ZFP82: variants seen among roughly 807,000 people sequenced by gnomAD.
The protein encoded by ZFP82 is zinc finger protein 82 homolog.
A neutral mutation model predicts 54.0 loss-of-function variants in ZFP82; 30 were observed. That is an observed-to-expected ratio of 0.56 (90% CI 0.42 to 0.75). ZFP82 has a LOEUF of 0.75. Among genes scored for constraint, ZFP82 ranks in the 30% least tolerant of loss-of-function variants. The probability of loss-of-function intolerance (pLI) is 0.00; values close to 1 mark genes in which losing one functional copy is unlikely to be tolerated. For missense variants in ZFP82, 500 were observed against 636.8 expected, an observed-to-expected ratio of 0.79 and a Z score of 2.31; for synonymous variants, 194 against 209.5, an observed-to-expected ratio of 0.93 and a Z score of 0.64.
rs961592071 is a variant in ZFP82 at position 36,389,600 on chromosome 19, G to T, written c.*3141C>A. Among the ~76,000 whole-genome samples the T allele has an allele frequency of 3.9e-5, 6 of 152,134 alleles. No homozygotes were observed. In the East Asian group the frequency reaches 7.7e-4, roughly 20 times the overall value. ...GGACTCATACACATATACCCATAAT[G>T]CCATAGTCATGCCTAACATATGAAC... On this transcript the variant is annotated 3_prime_UTR_variant, in exon 5 of 5. Coordinates refer to ENST00000392161, the MANE Select transcript of ZFP82 (RefSeq NM_133466.4).
At chr19:36,387,860 C>T (rs796861023), downstream of ZFP82, among the ~76,000 whole-genome samples, 2 of 152,274 alleles carry the variant, frequency 1.3e-5, no homozygotes, top group African/African-American at 4.8e-5. Context: ...GTGATCCACC[C>T]GCCTCAGCCT....
intron 1 of ZFP82, among the ~76,000 whole-genome samples, chr19:36,415,153 G>C (rs981681806): frequency 2.6e-5 from 4 of 152,126 alleles, no homozygotes; most frequent in African/African-American, 4.8e-5. Context: ...GTGTTGCAGA[G>C]TCTTTGTCTC....
Position 36,392,722 on chromosome 19 carries a change from A to G in ZFP82, c.*19T>C. The G allele has an allele frequency of 6.5e-7, 1 of 1,533,732 alleles. No individual in the cohort carries two copies. Among genetic ancestry groups the G allele is most frequent in the Non-Finnish European group, 8.7e-7 (1 of 1,147,576 alleles). On this transcript the variant is annotated 3_prime_UTR_variant, in exon 5 of 5. Coordinates refer to ENST00000392161, the MANE Select transcript of ZFP82 (RefSeq NM_133466.4). ...ACATTCATAGAATGTTCTATAACAC[A>G]GAAGTTGAAAAGACTTTCTTAGATT...
chr19:36,393,723 G>A lies in ZFP82; in HGVS notation c.617C>T (p.Ala206Val), dbSNP rs1233270340. Reference protein sequence around the residue: ...KPYECKECGMAFRQTAHLTRH... With the variant: ...KPYECKECGMVFRQTAHLTRH... ...AGTAAGGTGTGCAGTCTGTCTGAAG[G>A]CCATCCCACATTCCTTACATTCATA... The change falls in exon 5 of 5, where the codon GCC (alanine) becomes GTC (valine). Residue 206 changes from alanine to valine, a missense_variant. Physicochemically the swap from Ala to Val is moderately conservative, Grantham distance 64 (BLOSUM62 0). Coordinates refer to ENST00000392161, the MANE Select transcript of ZFP82 (RefSeq NM_133466.4). 1 of 1,613,854 alleles carries A rather than the reference G, an allele frequency of 6.2e-7. No homozygotes were observed. The highest frequency in any genetic ancestry group is 8.5e-7 in the Non-Finnish European group (1 of 1,180,030).
chr19:36,386,897 T>G (rs531672942), downstream of ZFP82, among the ~76,000 whole-genome samples: 1 of 152,326 alleles, frequency 6.6e-6, no homozygotes, highest in East Asian at 1.9e-4. Flanking sequence ...ATCACGCCAT[T>G]GCACTCCAGC....
rs1324770214 is a variant in ZFP82, at chr19:36,393,284, T to C, written c.1056A>G (p.Gln352=). 4 of 1,613,296 alleles carry C rather than the reference T, an allele frequency of 2.5e-6. No homozygotes were observed. Among genetic ancestry groups the C allele is most frequent in the Non-Finnish European group, 3.4e-6 (4 of 1,179,814 alleles). Residue 352 remains glutamine (Q), a synonymous_variant, in exon 5 of 5, where the codon CAA becomes CAG. Transcript: ENST00000392161. ...ECGKAFRVRQ[Q]LTLHQRIHTG... is the part of the protein sequence containing the mutation. ...TATGAATTCTCTGATGGAGTGTTAGTTGTTGTCGCACTCTAAAGGCCTTCC... is the reference window on the plus strand; with the variant it reads ...TATGAATTCTCTGATGGAGTGTTAGCTGTTGTCGCACTCTAAAGGCCTTCC...
chr19:36,391,204 T>C lies in ZFP82; in HGVS notation c.*1537A>G, dbSNP rs555725520. 1 of 152,016 alleles carries C rather than the reference T, an allele frequency of 6.6e-6. No individual in the cohort carries two copies. The highest frequency in any genetic ancestry group is 1.5e-5 in the Non-Finnish European group (1 of 67,994). 9.4% of individuals were successfully genotyped at this position (152,016 alleles called of 1,614,324 possible). Reference sequence around the variant, plus strand: ...CTTTTCCTTTATTTGTTAATAATGCTCTAGTATGCTCCATAACTAATCAAT... The same window carrying C: ...CTTTTCCTTTATTTGTTAATAATGCCCTAGTATGCTCCATAACTAATCAAT... On this transcript the variant is annotated 3_prime_UTR_variant, in exon 5 of 5. Transcript: ENST00000392161.
chr19:36,383,956 G>A (rs1463799915), downstream of ZFP82: 1 of 151,982 alleles, frequency 6.6e-6, no homozygotes, highest in Non-Finnish European at 1.5e-5. Context: ...CTATTAACCA[G>A]GAAAATATTA....
chr19:36,410,798 C>T lies in ZFP82; in HGVS notation c.-78-931G>A, dbSNP rs142640231. 1.1e-4 allele frequency among the ~76,000 whole-genome samples: 16 copies of T among 152,178 alleles called. No individual in the cohort carries two copies. In the East Asian group the frequency reaches 2.7e-3, roughly 26 times the overall value. Reference sequence around the variant, plus strand: ...TTACAGATGTGAGCCACCGCACCCACCCGGCCTGTTTTATATATATTAACT... The same window carrying T: ...TTACAGATGTGAGCCACCGCACCCATCCGGCCTGTTTTATATATATTAACT... On this transcript the variant is annotated intron_variant, in intron 1 of 4. Coordinates refer to ENST00000392161, the MANE Select transcript of ZFP82 (RefSeq NM_133466.4).
intron 1 of ZFP82, among the ~76,000 whole-genome samples, chr19:36,411,391 T>C (rs898563616): frequency 6.6e-6 from 1 of 151,800 alleles, no homozygotes; most frequent in Admixed American, 6.6e-5. Flanking sequence ...AAATAACACA[T>C]CAGCTCACCA....
intron 4 of ZFP82, among the ~76,000 whole-genome samples, chr19:36,401,435 T>A (rs2032382901): frequency 6.6e-6 from 1 of 152,218 alleles, no homozygotes; most frequent in Admixed American, 6.5e-5. Context: ...TTCACCCAGT[T>A]GTTTAAGCCA....
At chr19:36,405,484 C>CA (rs2032464862) in intron 4 of ZFP82, 96 bp downstream of exon 4, 1 of 890,984 alleles carries the variant, frequency 1.1e-6, no homozygotes, top group Admixed American at 2.5e-5. Context: ...ACAGACCTTT[C>CA]AAGAGGGCTT....
chr19:36,402,468 C>CAAAAAAAAAAAAAAAAAAAA lies in ZFP82; in HGVS notation c.229+3111_229+3112insTTTTTTTTTTTTTTTTTTTT, dbSNP rs377338348. On this transcript the variant is annotated intron_variant, in intron 4 of 4. Transcript: ENST00000392161. ...TGGACAGAAGAGCGAGACTCCATCT[C>CAAAAAAAAAAAAAAAAAAAA]AAAAAAAAAAAAAAAAAAAGATTAG... Among the ~76,000 whole-genome samples, 8 of 57,440 alleles carry CAAAAAAAAAAAAAAAAAAAA rather than the reference C, an allele frequency of 1.4e-4. 2 individuals are homozygous for CAAAAAAAAAAAAAAAAAAAA. Among genetic ancestry groups the CAAAAAAAAAAAAAAAAAAAA allele is most frequent in the African/African-American group, 1.5e-4 (2 of 13,562 alleles). 37.7% of individuals were successfully genotyped at this position (57,440 alleles called of 152,430 possible).
intron 1 of ZFP82, among the ~76,000 whole-genome samples, chr19:36,415,908 A>C (rs866443653): frequency 1.3e-5 from 2 of 152,256 alleles, no homozygotes; most frequent in Non-Finnish European, 2.9e-5. Context: ...ATGAATGAAC[A>C]CAATCAAGCG....
intron 1 of ZFP82, 147 bp from the exon 2 acceptor site, chr19:36,410,014 G>C (rs1260831977): frequency 4.0e-6 from 2 of 496,648 alleles, no homozygotes; most frequent in Non-Finnish European, 7.2e-6. Flanking sequence ...TAGGCAGAGA[G>C]AGAGAGAGAA....
chr19:36,398,968 A>G (rs1423489685), intron 4 of ZFP82, among the ~76,000 whole-genome samples: 1 of 152,218 alleles, frequency 6.6e-6, no homozygotes, highest in Non-Finnish European at 1.5e-5. Flanking sequence ...AATCAGAAAA[A>G]AAAATCAGAG....
rs2032180326 is a variant in ZFP82 at position 36,390,586 on chromosome 19, C to T, written c.*2155G>A. The T allele has an allele frequency of 6.6e-6, 1 of 152,062 alleles. No homozygotes were observed. Among genetic ancestry groups the T allele is most frequent in the African/African-American group, 2.4e-5 (1 of 41,388 alleles). 9.4% of individuals were successfully genotyped at this position (152,062 alleles called of 1,614,324 possible). A position where few individuals can be genotyped will look rare whatever the true frequency, so the allele number is the denominator to read the frequency against. Reference sequence around the variant, plus strand: ...CACATCAAGTTCATCTGGCTGATCTCATTTAGAGATGTTAATATAGATTAG... The same window carrying T: ...CACATCAAGTTCATCTGGCTGATCTTATTTAGAGATGTTAATATAGATTAG... On this transcript the variant is annotated 3_prime_UTR_variant, in exon 5 of 5. Coordinates refer to ENST00000392161, the MANE Select transcript of ZFP82 (RefSeq NM_133466.4).
intron 1 of ZFP82, among the ~76,000 whole-genome samples, chr19:36,414,164 T>C (rs2032628537): frequency 6.6e-6 from 1 of 151,916 alleles, no homozygotes; most frequent in Admixed American, 6.6e-5. Context: ...CCTCCCAAAG[T>C]GCTGGGATTA....
intron 2 of ZFP82, 147 bp downstream of exon 2, chr19:36,409,634 C>T (rs970177703): frequency 5.2e-6 from 4 of 772,466 alleles, no homozygotes; most frequent in Non-Finnish European, 8.9e-6. Flanking sequence ...GTTCATAGGA[C>T]AAGCATTGTG....
Sources: gnomAD v4.1 joint callset for allele counts (sites outside exome capture counted in the v4.1 genomes callset) on GRCh38, gnomAD v4.1.1 for gene constraint, MANE v1.5 for transcripts, NCBI Gene and HGNC (gene_info 2026-07-23, HGNC 2026-07-21) for gene names.